SCN9A: variants seen among roughly 807,000 people sequenced by gnomAD.
SCN9A encodes the protein sodium voltage-gated channel alpha subunit 9, also known as sodium channel protein type 9 subunit alpha.
Under a neutral mutation model 187.0 loss-of-function variants are expected in SCN9A, and 131 were observed. That is an observed-to-expected ratio of 0.70 (90% CI 0.61 to 0.81). The LOEUF (loss-of-function observed/expected upper bound fraction) is 0.81, where lower values mean the gene tolerates loss of function less well. SCN9A is among the 30% of genes least tolerant of loss of function. The probability of loss-of-function intolerance (pLI) is 0.00; values close to 1 mark genes in which losing one functional copy is unlikely to be tolerated. For synonymous variants in SCN9A, 809 were observed against 808.6 expected (o/e 1.00, Z -0.01); for missense variants, 2,252 against 2,396.6 (o/e 0.94, Z 1.26).
chr2:166,330,705 A>C (rs1391019906), intron 1 of SCN9A, among the ~76,000 whole-genome samples: 1 of 152,166 alleles, frequency 6.6e-6, no homozygotes, highest in Non-Finnish European at 1.5e-5. Context: ...CATTAGTTAG[A>C]GTCTCATAAG....
At chr2:166,324,230 T>A (rs914854535) in intron 1 of SCN9A, among the ~76,000 whole-genome samples, 4 of 151,586 alleles carry the variant, frequency 2.6e-5, no homozygotes, top group Non-Finnish European at 5.9e-5. Context: ...CAGGCAGAGG[T>A]TGCAGTGAGC....
At chr2:166,358,519 G>C (rs1051636124) in intron 1 of SCN9A, among the ~76,000 whole-genome samples, 2 of 151,958 alleles carry the variant, frequency 1.3e-5, no homozygotes, top group Admixed American at 1.3e-4. Flanking sequence ...GACTATCAGT[G>C]TTTTATTAAT....
chr2:166,309,309 T>A (rs1394649646), intron 2 of SCN9A, among the ~76,000 whole-genome samples: 2 of 152,180 alleles, frequency 1.3e-5, no homozygotes, highest in African/African-American at 2.4e-5. Flanking sequence ...AATTAGCAAT[T>A]TTCATTCTCA....
intron 1 of SCN9A, among the ~76,000 whole-genome samples, chr2:166,317,057 T>A (rs1474471142): frequency 6.6e-6 from 1 of 151,972 alleles, no homozygotes; most frequent in Non-Finnish European, 1.5e-5. Flanking sequence ...CACAGATAGA[T>A]GTAAATTAAT....
At chr2:166,295,700 G>C (rs1346282995) in intron 7 of SCN9A, among the ~76,000 whole-genome samples, 1 of 152,194 alleles carries the variant, frequency 6.6e-6, no homozygotes, top group African/African-American at 2.4e-5. Flanking sequence ...TAACATAAGT[G>C]AGTAAAATTT....
At chr2:166,361,622 G>T (rs919919601) in intron 1 of SCN9A, among the ~76,000 whole-genome samples, 5 of 151,980 alleles carry the variant, frequency 3.3e-5, no homozygotes, top group African/African-American at 1.2e-4. Flanking sequence ...AAAAACATTG[G>T]AATATCATGG....
In SCN9A at chr2:166,281,711, C is replaced by G. The variant is rs1697496519; in HGVS notation, c.2072G>C (p.Ser691Thr). The change falls in exon 13 of 27, where the codon AGT becomes ACT. Residue 691 changes from serine to threonine, a missense_variant. By Grantham distance (58) the Ser-to-Thr change is moderately conservative (BLOSUM62 1). This residue lies in a region of SCN9A where 1,013 missense variants were observed against 997.4 expected (regional missense o/e 1.02). Coordinates refer to ENST00000642356, the MANE Select transcript of SCN9A (RefSeq NM_001365536.1). ...NDPNLRQRAM[S>T]RASILTNTVE... ...AGTGTTTGTTAATATGCTTGCTCTA[C>G]TCATTGCTCTCTGTCTGAGGTTGGG... 1 of 1,613,150 alleles carries G rather than the reference C, an allele frequency of 6.2e-7. No individual in the cohort carries two copies.
intron 17 of SCN9A, among the ~76,000 whole-genome samples, chr2:166,259,850 T>C (rs1696432434): frequency 6.6e-6 from 1 of 151,652 alleles, no homozygotes; most frequent in Non-Finnish European, 1.5e-5. Flanking sequence ...ACAAATCCAA[T>C]GAAGATGGAA....
chr2:166,330,117 G>A (rs1385422856), intron 1 of SCN9A, among the ~76,000 whole-genome samples: 2 of 151,986 alleles, frequency 1.3e-5, no homozygotes, highest in African/African-American at 4.8e-5. Flanking sequence ...CCTTCTAAAG[G>A]TTAAATCATA....
At chr2:166,323,704 AT>A (rs1186585890) in intron 1 of SCN9A, among the ~76,000 whole-genome samples, 1 of 152,130 alleles carries the variant, frequency 6.6e-6, no homozygotes, top group African/African-American at 2.4e-5. Context: ...CACCAATTCT[AT>A]TGTGGCTCAG....
chr2:166,348,183 C>T (rs750110593), intron 1 of SCN9A, among the ~76,000 whole-genome samples: 15 of 150,998 alleles, frequency 9.9e-5, no homozygotes, highest in East Asian at 7.8e-4. Context: ...ACATGTGTAA[C>T]GGTTTGTTGA....
At chr2:166,287,458 A>C (rs1260485042) in intron 10 of SCN9A, among the ~76,000 whole-genome samples, 2 of 152,078 alleles carry the variant, frequency 1.3e-5, no homozygotes, top group Non-Finnish European at 2.9e-5. Context: ...TAATTTTCTT[A>C]GTTATTTTCT....
rs79678914 is a variant in SCN9A at position 166,202,313 on chromosome 2, G to A, written c.4774+1642C>T. On this transcript the variant is annotated intron_variant, in intron 26 of 26. Transcript: ENST00000642356. The stretch of plus-strand genomic sequence containing the variant: ...ACTAGAATCTTTTTTTTTAACTTTA[G>A]ATTTTGATTCATGTGATCTTTTCAC... Among the ~76,000 whole-genome samples, 7 of 150,006 alleles carry A rather than the reference G, an allele frequency of 4.7e-5. No individual in the cohort carries two copies. The East Asian group carries it at 1.4e-3, about 29-fold the overall frequency.
intron 19 of SCN9A, among the ~76,000 whole-genome samples, chr2:166,241,625 A>G (rs1236111773): frequency 6.6e-6 from 1 of 152,046 alleles, no homozygotes; most frequent in Non-Finnish European, 1.5e-5. Flanking sequence ...TAACTAGAAA[A>G]TTCCTGTTCG....
intron 18 of SCN9A, among the ~76,000 whole-genome samples, chr2:166,243,252 A>T (rs1695643133): frequency 6.6e-6 from 1 of 152,042 alleles, no homozygotes; most frequent in South Asian, 2.1e-4. Flanking sequence ...AAAATTGAAA[A>T]TTGTACTTAA....
chr2:166,360,290 G>A (rs986741742), intron 1 of SCN9A, among the ~76,000 whole-genome samples: 1 of 149,932 alleles, frequency 6.7e-6, no homozygotes, highest in Non-Finnish European at 1.5e-5. Flanking sequence ...ATTACCCTGG[G>A]AAAACTTAAG....
At chr2:166,261,708 C>A (rs1227415982) in intron 17 of SCN9A, among the ~76,000 whole-genome samples, 1 of 151,806 alleles carries the variant, frequency 6.6e-6, no homozygotes, top group Non-Finnish European at 1.5e-5. Context: ...AATAACAAAA[C>A]ACACACACAA....
intron 7 of SCN9A, among the ~76,000 whole-genome samples, chr2:166,296,916 G>A (rs1394489827): frequency 1.3e-5 from 2 of 151,988 alleles, no homozygotes; most frequent in Non-Finnish European, 1.5e-5. Flanking sequence ...AATGAATCAC[G>A]GCCGGGCGCA....
intron 24 of SCN9A, among the ~76,000 whole-genome samples, chr2:166,218,129 A>G (rs1694416239): frequency 6.6e-6 from 1 of 151,930 alleles, no homozygotes; most frequent in Non-Finnish European, 1.5e-5. Flanking sequence ...ACAGTGCACT[A>G]CTATACAAAA....
Sources: allele counts gnomAD v4.1 joint callset (sites outside exome capture counted in the v4.1 genomes callset), GRCh38; gene constraint gnomAD v4.1.1; regional missense constraint gnomAD v4.1.1; transcripts MANE v1.5; gene names NCBI Gene and HGNC (gene_info 2026-07-23, HGNC 2026-07-21).